ADAMTS12: variants seen among roughly 807,000 people sequenced by gnomAD.
The protein encoded by ADAMTS12 is A disintegrin and metalloproteinase with thrombospondin motifs 12.
Under a neutral mutation model 167.8 loss-of-function variants are expected in ADAMTS12, and 118 were observed. The ratio of observed to expected loss-of-function variants is 0.70; its 90% CI spans 0.61 to 0.82. The LOEUF (loss-of-function observed/expected upper bound fraction) is 0.82, where lower values mean the gene tolerates loss of function less well. Ranked by LOEUF, ADAMTS12 falls within the 40% of genes least tolerant of loss-of-function variation. The pLI, the probability that ADAMTS12 is intolerant of heterozygous loss-of-function variation, is 0.00. For missense variants in ADAMTS12, 1,916 were observed against 1,998.8 expected, an observed-to-expected ratio of 0.96 and a Z score of 0.79; for synonymous variants, 704 against 716.9, an observed-to-expected ratio of 0.98 and a Z score of 0.29.
intron 2 of ADAMTS12, among the ~76,000 whole-genome samples, chr5:33,787,355 T>C (rs965869968): frequency 1.3e-5 from 2 of 152,236 alleles, no homozygotes; most frequent in Non-Finnish European, 2.9e-5. Context: ...CAACCATCCA[T>C]TGCAGGGCCA....
intron 12 of ADAMTS12, among the ~76,000 whole-genome samples, chr5:33,631,634 C>A (rs4337859): frequency 0.79 from 119,786 of 152,070 alleles, 48,672 homozygotes; most frequent in Non-Finnish European, 0.89. Flanking sequence ...AAAATGCATA[C>A]CCATATGTAT....
Position 33,683,936 on chromosome 5 carries a change from C to T in ADAMTS12, c.754G>A (p.Val252Met). 1 of 1,610,288 alleles carries T rather than the reference C, an allele frequency of 6.2e-7. No homozygotes were observed. The highest frequency in any genetic ancestry group is 8.5e-7 in the Non-Finnish European group (1 of 1,178,386). Residue 252 changes from valine (V) to methionine (M), a missense_variant, in exon 4 of 24, where the codon GTG becomes ATG. By Grantham distance (21) the Val-to-Met change is conservative. Coordinates refer to ENST00000504830, the MANE Select transcript of ADAMTS12 (RefSeq NM_030955.4). ...ISKERWVETL[V>M]VADTKMIEYH... is the part of the protein sequence containing the mutation. ...TCAATCATCTTTGTGTCGGCCACCA[C>T]CAGTGTCTCCACCCATCTCTCCTTG...
chr5:33,737,050 G>A (rs1029347809), intron 3 of ADAMTS12, among the ~76,000 whole-genome samples: 10 of 152,326 alleles, frequency 6.6e-5, no homozygotes, highest in Admixed American at 6.5e-4. Context: ...GAGAAAAACT[G>A]AGATCAAGGG....
At chr5:33,574,877 G>A (rs1415429220) in intron 19 of ADAMTS12, among the ~76,000 whole-genome samples, 1 of 152,056 alleles carries the variant, frequency 6.6e-6, no homozygotes, top group Non-Finnish European at 1.5e-5. Flanking sequence ...GGCGAGATGA[G>A]TCATGAAATG....
rs185672146 is a variant in ADAMTS12, at chr5:33,845,093, T to C, written c.489+36026A>G. Reference sequence around the variant, plus strand: ...AATTTTCCATACATGTATATTAGTATATAGATACACTAATAACTAGAGCTG... The same window carrying C: ...AATTTTCCATACATGTATATTAGTACATAGATACACTAATAACTAGAGCTG... On this transcript the variant is annotated intron_variant, in intron 2 of 23. Transcript: ENST00000504830. Among the ~76,000 whole-genome samples, 5 of 152,342 alleles carry C rather than the reference T, an allele frequency of 3.3e-5. No individual in the cohort carries two copies. In the East Asian group the frequency reaches 9.6e-4, roughly 29 times the overall value.
At chr5:33,770,838 CCCTCCTCCTCCTCTT>C (rs1745711009) in intron 2 of ADAMTS12, among the ~76,000 whole-genome samples, 4 of 150,902 alleles carry the variant, frequency 2.7e-5, no homozygotes, top group Admixed American at 2.6e-4. Context: ...CTTCCTCTTC[CCCTCCTCCTCCTCTT>C]CCTCCTCCTC....
intron 18 of ADAMTS12, among the ~76,000 whole-genome samples, chr5:33,582,893 A>G (rs1029420473): frequency 2.0e-5 from 3 of 152,264 alleles, no homozygotes; most frequent in Admixed American, 6.5e-5. Context: ...TATGGGGTAC[A>G]TGAGATGTTT....
At chr5:33,537,358 G>A (rs1426360246) in intron 22 of ADAMTS12, among the ~76,000 whole-genome samples, 2 of 152,234 alleles carry the variant, frequency 1.3e-5, no homozygotes, top group African/African-American at 4.8e-5. Flanking sequence ...AAAAGATGAT[G>A]ACTGTCTTGT....
intron 2 of ADAMTS12, among the ~76,000 whole-genome samples, chr5:33,793,258 A>G (rs1746644135): frequency 6.6e-6 from 1 of 152,256 alleles, no homozygotes; most frequent in African/African-American, 2.4e-5. Context: ...GACCATGGAC[A>G]GATAAGGTTT....
chr5:33,743,006 C>A lies in ADAMTS12; in HGVS notation c.634+8398G>T, dbSNP rs1344683230. 6.6e-5 allele frequency among the ~76,000 whole-genome samples: 10 copies of A among 152,288 alleles called. No homozygotes were observed. In the East Asian group the frequency reaches 1.9e-3, roughly 29 times the overall value. The stretch of plus-strand genomic sequence containing the variant: ...TACAAAGTGACGGAGGAAAAGCTAT[C>A]TTAAACAGTGGTCAGGGAAGGCTTC... On this transcript the variant is annotated intron_variant, in intron 3 of 23. Transcript: ENST00000504830.
intron 3 of ADAMTS12, among the ~76,000 whole-genome samples, chr5:33,727,094 G>A (rs534343825): frequency 2.6e-5 from 4 of 152,072 alleles, no homozygotes; most frequent in African/African-American, 9.6e-5. Flanking sequence ...TCCTGGAGGC[G>A]CAAGGCAGTT....
intron 22 of ADAMTS12, among the ~76,000 whole-genome samples, chr5:33,544,193 T>A (rs930773435): frequency 1.3e-5 from 2 of 152,062 alleles, no homozygotes; most frequent in African/African-American, 4.8e-5. Context: ...TGTGCAAAAA[T>A]CACAAGCATT....
chr5:33,635,573 T>C (rs534460489), intron 12 of ADAMTS12, among the ~76,000 whole-genome samples: 3 of 152,272 alleles, frequency 2.0e-5, no homozygotes, highest in African/African-American at 4.8e-5. Flanking sequence ...GGAAAAAGCA[T>C]ATAAAGTGCT....
At chr5:33,732,763 G>A (rs1001805528) in intron 3 of ADAMTS12, among the ~76,000 whole-genome samples, 2 of 151,626 alleles carry the variant, frequency 1.3e-5, no homozygotes, top group Non-Finnish European at 2.9e-5. Context: ...GGACTCTTAA[G>A]ATAATATTTT....
chr5:33,740,682 T>A (rs1744538479), intron 3 of ADAMTS12, among the ~76,000 whole-genome samples: 1 of 152,070 alleles, frequency 6.6e-6, no homozygotes, highest in South Asian at 2.1e-4. Context: ...ACCAGGGGCA[T>A]AGAGGGATAA....
In ADAMTS12 at chr5:33,858,669, A is replaced by G. The variant is rs1024257431; in HGVS notation, c.489+22450T>C. Among the ~76,000 whole-genome samples the G allele has an allele frequency of 5.1e-4, 74 of 145,362 alleles. 2 individuals are homozygous for G. In the East Asian group the frequency reaches 0.013, roughly 26 times the overall value. On this transcript the variant is annotated intron_variant, in intron 2 of 23. Coordinates refer to ENST00000504830, the MANE Select transcript of ADAMTS12 (RefSeq NM_030955.4). ...CAAGACATCATCTCAAAAAAAAAAA[A>G]AGAAAAGAAAAAAGAAATTGCCAAC...
At chr5:33,737,006 G>A (rs1243439592) in intron 3 of ADAMTS12, among the ~76,000 whole-genome samples, 1 of 152,192 alleles carries the variant, frequency 6.6e-6, no homozygotes, top group Non-Finnish European at 1.5e-5. Context: ...GTAGATGCCA[G>A]AACCAGCTGC....
At chr5:33,676,193 C>T (rs1243213946) in intron 5 of ADAMTS12, among the ~76,000 whole-genome samples, 2 of 152,100 alleles carry the variant, frequency 1.3e-5, no homozygotes, top group Non-Finnish European at 2.9e-5. Context: ...TAAAATAGCT[C>T]CACATGGGAA....
At position 33,891,807 on chromosome 5, in the gene ADAMTS12, T is replaced by C; in HGVS notation, c.50A>G (p.Gln17Arg). 1 of 1,614,230 alleles carries C rather than the reference T, an allele frequency of 6.2e-7. No individual in the cohort carries two copies. The highest frequency in any genetic ancestry group is 1.1e-5 in the South Asian group (1 of 91,074). Residue 17 changes from glutamine to arginine, a missense_variant, in exon 1 of 24, where the codon CAG (glutamine) becomes CGG (arginine). Transcript: ENST00000504830. Reference sequence around the variant, plus strand: ...GCAAAGCGCCCCAAAGTTAAGGAGCTGAGCCACCACGGAAAGGTTTGCAAG... The same window carrying C: ...GCAAAGCGCCCCAAAGTTAAGGAGCCGAGCCACCACGGAAAGGTTTGCAAG... ...SWLANLSVVAQLLNFGALCYG... is the reference protein window; with the variant it reads ...SWLANLSVVARLLNFGALCYG...
Sources: gnomAD v4.1 joint callset for allele counts (sites outside exome capture counted in the v4.1 genomes callset) on GRCh38, gnomAD v4.1.1 for gene constraint, MANE v1.5 for transcripts, NCBI Gene and HGNC (gene_info 2026-07-23, HGNC 2026-07-21) for gene names.